ZNF385B: variants seen among roughly 807,000 people sequenced by gnomAD.
ZNF385B encodes zinc finger protein 533.
A neutral mutation model predicts 39.2 loss-of-function variants in ZNF385B; 23 were observed. That is an observed-to-expected ratio of 0.59 (90% CI 0.42 to 0.83). The LOEUF is 0.83. Among genes scored for constraint, ZNF385B ranks in the 40% least tolerant of loss-of-function variants. The pLI, the probability that ZNF385B is intolerant of heterozygous loss-of-function variation, is 0.00. For synonymous variants in ZNF385B, 205 were observed against 222.6 expected, an observed-to-expected ratio of 0.92 and a Z score of 0.70; for missense variants, 552 against 598.9, an observed-to-expected ratio of 0.92 and a Z score of 0.82.
chr2:179,482,915 A>G (rs2054152083), intron 6 of ZNF385B, among the ~76,000 whole-genome samples: 2 of 152,090 alleles, frequency 1.3e-5, no homozygotes, highest in South Asian at 4.1e-4. Context: ...AAAAACACAC[A>G]TAAAATAAAT....
At chr2:179,737,666 A>T (rs1428377987) in intron 3 of ZNF385B, among the ~76,000 whole-genome samples, 1 of 152,234 alleles carries the variant, frequency 6.6e-6, no homozygotes, top group Non-Finnish European at 1.5e-5. Flanking sequence ...TTTTACTAGG[A>T]TAATTTCTGA....
intron 5 of ZNF385B, among the ~76,000 whole-genome samples, chr2:179,493,458 T>C (rs902600533): frequency 5.3e-5 from 8 of 149,582 alleles, no homozygotes; most frequent in East Asian, 3.9e-4. Flanking sequence ...TGTACATGTG[T>C]GTACATATAT....
intron 1 of ZNF385B, among the ~76,000 whole-genome samples, chr2:179,800,057 A>C (rs1247117676): frequency 1.3e-5 from 2 of 152,122 alleles, no homozygotes; most frequent in African/African-American, 2.4e-5. Context: ...GCAACCTGCT[A>C]ATCTCAAGTG....
chr2:179,576,147 T>C (rs1559505016), intron 3 of ZNF385B: 1 of 985,406 alleles, frequency 1.0e-6, no homozygotes, highest in East Asian at 1.1e-4. Context: ...CTCAAATCCA[T>C]CCCTGTGACT....
chr2:179,484,303 C>T (rs1054051651), intron 5 of ZNF385B, among the ~76,000 whole-genome samples: 1 of 151,280 alleles, frequency 6.6e-6, no homozygotes, highest in African/African-American at 2.4e-5. Context: ...ACAAAATAAT[C>T]TAAATATATT....
intron 1 of ZNF385B, among the ~76,000 whole-genome samples, chr2:179,831,078 A>T (rs550153095): frequency 2.1e-4 from 32 of 152,328 alleles, no homozygotes; most frequent in African/African-American, 7.2e-4. Flanking sequence ...ATATGTAAAA[A>T]TATTTGTAAT....
intron 3 of ZNF385B, among the ~76,000 whole-genome samples, chr2:179,673,596 T>A (rs1696342566): frequency 1.3e-5 from 2 of 152,204 alleles, no homozygotes; most frequent in South Asian, 4.1e-4. Context: ...AATTTTTCTC[T>A]CAGGCCTACC....
At chr2:179,555,467 T>C (rs2060846016) in intron 3 of ZNF385B, among the ~76,000 whole-genome samples, 1 of 149,468 alleles carries the variant, frequency 6.7e-6, no homozygotes, top group Non-Finnish European at 1.5e-5. Context: ...TGCACACTTA[T>C]GTGCACTTTT....
chr2:179,524,678 C>T (rs911088793), intron 4 of ZNF385B, among the ~76,000 whole-genome samples: 1 of 141,426 alleles, frequency 7.1e-6, no homozygotes, highest in Non-Finnish European at 1.5e-5. Flanking sequence ...GAGTAAAACA[C>T]AAAAAAGGGC....
chr2:179,654,391 C>A (rs6760409), intron 3 of ZNF385B, among the ~76,000 whole-genome samples: 10 of 152,046 alleles, frequency 6.6e-5, no homozygotes, highest in African/African-American at 2.2e-4. Context: ...CCCCCTACCC[C>A]CTTCGAGTGC....
chr2:179,819,874 A>G (rs1707297773), intron 1 of ZNF385B, among the ~76,000 whole-genome samples: 1 of 152,308 alleles, frequency 6.6e-6, no homozygotes, highest in South Asian at 2.1e-4. Context: ...ATTGTATTAT[A>G]CTTTTTTCAT....
At chr2:179,631,384 G>T (rs933196459) in intron 3 of ZNF385B, among the ~76,000 whole-genome samples, 5 of 152,124 alleles carry the variant, frequency 3.3e-5, no homozygotes, top group African/African-American at 9.7e-5. Flanking sequence ...TTAGAGAAAA[G>T]AATTTTCAAC....
intron 3 of ZNF385B, among the ~76,000 whole-genome samples, chr2:179,649,117 C>A (rs1692990275): frequency 1.3e-5 from 2 of 152,052 alleles, no homozygotes; most frequent in South Asian, 4.1e-4. Context: ...CAAAGATACA[C>A]AACCTGAAGT....
At chr2:179,616,726 A>AT (rs1350691033) in intron 3 of ZNF385B, among the ~76,000 whole-genome samples, 3 of 151,780 alleles carry the variant, frequency 2.0e-5, no homozygotes, top group Non-Finnish European at 4.4e-5. Flanking sequence ...GGCCCGGCTA[A>AT]TTTTTTTTAT....
chr2:179,656,826 T>A (rs1403067895), intron 3 of ZNF385B, among the ~76,000 whole-genome samples: 1 of 152,152 alleles, frequency 6.6e-6, no homozygotes, highest in African/African-American at 2.4e-5. Context: ...TTAGAATAAT[T>A]TTTTTGCCCT....
At chr2:179,629,386 C>T (rs180754582) in intron 3 of ZNF385B, among the ~76,000 whole-genome samples, 27 of 152,324 alleles carry the variant, frequency 1.8e-4, no homozygotes, top group African/African-American at 6.3e-4. Flanking sequence ...CATAACCTAA[C>T]ATTTTACTGA....
chr2:179,542,813 G>A (rs1416772328), intron 4 of ZNF385B, among the ~76,000 whole-genome samples: 3 of 152,158 alleles, frequency 2.0e-5, no homozygotes, highest in African/African-American at 7.2e-5. Context: ...ACTTCCAGAA[G>A]GGGATTAGAA....
intron 3 of ZNF385B, among the ~76,000 whole-genome samples, chr2:179,557,447 GATTGATT>G (rs1368210461): frequency 7.6e-6 from 1 of 132,296 alleles, no homozygotes; most frequent in Non-Finnish European, 1.6e-5. Context: ...AATAGCACAA[GATTGATT>G]ATAACAGTTT....
intron 3 of ZNF385B, among the ~76,000 whole-genome samples, chr2:179,626,143 A>G (rs1231928238): frequency 1.3e-5 from 2 of 152,154 alleles, no homozygotes; most frequent in Admixed American, 1.3e-4. Flanking sequence ...CACCTGAAAC[A>G]TAAGTTTCAC....
Sources: gnomAD v4.1 joint callset for allele counts (sites outside exome capture counted in the v4.1 genomes callset) on GRCh38, gnomAD v4.1.1 for gene constraint, MANE v1.5 for transcripts, NCBI Gene and HGNC (gene_info 2026-07-23, HGNC 2026-07-21) for gene names.